The following COX7B2 variants were observed in gnomAD, a reference collection of about 807,000 sequenced individuals.
COX7B2 encodes the protein cytochrome c oxidase subunit 7B2, mitochondrial.
For missense variants in COX7B2, 109 were observed against 95.9 expected (o/e 1.14, Z -0.57); for synonymous variants, 37 against 32.1 (o/e 1.15, Z -0.51).
In COX7B2 at chr4:46,851,621, C is replaced by T. The variant is rs374583829; in HGVS notation, c.-104-6607G>A. Among the ~76,000 whole-genome samples the T allele has an allele frequency of 1.4e-4, 22 of 152,196 alleles. No individual in the cohort carries two copies. In the South Asian group the frequency reaches 3.7e-3, roughly 26 times the overall value. ...CTTTTCTGTTCCAAAAGATCCTATT[C>T]AGGATCTAACACTGCATTTAGCTGG... On this transcript the variant is annotated intron_variant, in intron 1 of 2. Transcript: ENST00000355591.
At chr4:46,745,490 AAACTTTTAACAAGATATTGGTAAAAAT>A (rs1714967958) in intron 2 of COX7B2, among the ~76,000 whole-genome samples, 1 of 152,252 alleles carries the variant, frequency 6.6e-6, no homozygotes, top group Non-Finnish European at 1.5e-5. Context: ...GACTTTAAAA[AAACTTTTAACAAGATATTGGTAAAAAT>A]AACTTTTAAC....
At chr4:46,834,345 A>G (rs13137980) in intron 2 of COX7B2, among the ~76,000 whole-genome samples, 2 of 152,070 alleles carry the variant, frequency 1.3e-5, no homozygotes, top group Non-Finnish European at 2.9e-5. Flanking sequence ...AAACACAAAA[A>G]CAGTATCTAT....
At chr4:46,805,198 G>T (rs1356795116) in intron 2 of COX7B2, among the ~76,000 whole-genome samples, 2 of 152,192 alleles carry the variant, frequency 1.3e-5, no homozygotes. Context: ...CAGGCTGAGG[G>T]AGCCGGCTCT....
chr4:46,821,657 G>A (rs1041922474), intron 2 of COX7B2, among the ~76,000 whole-genome samples: 1 of 152,166 alleles, frequency 6.6e-6, no homozygotes, highest in Non-Finnish European at 1.5e-5. Context: ...AATAAAGAGT[G>A]TAAACAGTAT....
intron 2 of COX7B2, among the ~76,000 whole-genome samples, chr4:46,821,678 G>A (rs910275228): frequency 6.6e-6 from 1 of 152,152 alleles, no homozygotes; most frequent in Non-Finnish European, 1.5e-5. Flanking sequence ...AAAATCTGAA[G>A]TGTTATTCAA....
intron 1 of COX7B2, among the ~76,000 whole-genome samples, chr4:46,892,899 T>C (rs887442927): frequency 6.6e-6 from 1 of 152,180 alleles, no homozygotes; most frequent in Non-Finnish European, 1.5e-5. Flanking sequence ...GCTATTCTCA[T>C]GATAGTAAGT....
At chr4:46,778,521 AG>A (rs1163210525) in intron 2 of COX7B2, among the ~76,000 whole-genome samples, 1 of 152,170 alleles carries the variant, frequency 6.6e-6, no homozygotes, top group Non-Finnish European at 1.5e-5. Context: ...TAGTAGAACA[AG>A]AAAAATAAAC....
chr4:46,838,129 A>C (rs558859005), intron 2 of COX7B2, among the ~76,000 whole-genome samples: 1 of 152,016 alleles, frequency 6.6e-6, no homozygotes, highest in Non-Finnish European at 1.5e-5. Context: ...TAATTTGTAC[A>C]TTCTTTATCA....
At chr4:46,908,240 A>G (rs1308746029) in intron 1 of COX7B2, among the ~76,000 whole-genome samples, 1 of 152,080 alleles carries the variant, frequency 6.6e-6, no homozygotes, top group Non-Finnish European at 1.5e-5. Flanking sequence ...AACCACTTTG[A>G]GATCTGTAAG....
Position 46,908,738 on chromosome 4 carries a change from C to CAGAAAAAAAAAA in COX7B2, c.-105+421_-105+422insTTTTTTTTTTCT, listed in dbSNP as rs1720557466. Among the ~76,000 whole-genome samples, 6 of 121,088 alleles carry CAGAAAAAAAAAA rather than the reference C, an allele frequency of 5.0e-5. 1 individual carries two copies. The highest frequency in any genetic ancestry group is 1.9e-4 in the African/African-American group (6 of 30,886). The allele number at this position is 121,088 out of a possible 152,430, so 79.4% of individuals were successfully genotyped here. A position where few individuals can be genotyped will look rare whatever the true frequency, so the allele number is the denominator to read the frequency against. On this transcript the variant is annotated intron_variant, in intron 1 of 2. Transcript: ENST00000355591. ...GAAATGAAACAAAAAAGGAAAGTGGCAAAAAAAAAAAAAAAAAATCTGGCC... is the reference window on the plus strand; with the variant it reads ...GAAATGAAACAAAAAAGGAAAGTGGCAGAAAAAAAAAAAAAAAAAAAAAAAAAAAATCTGGCC...
At chr4:46,735,701 T>C (rs908454724) in intron 2 of COX7B2, among the ~76,000 whole-genome samples, 2 of 152,138 alleles carry the variant, frequency 1.3e-5, no homozygotes, top group African/African-American at 4.8e-5. Context: ...CAGGCAAAAT[T>C]CTGCTTGCCT....
intron 2 of COX7B2, among the ~76,000 whole-genome samples, chr4:46,838,506 G>C (rs534579061): frequency 6.6e-6 from 1 of 152,130 alleles, no homozygotes; most frequent in Admixed American, 6.6e-5. Flanking sequence ...CCAAAGAAAA[G>C]TATCTATAAT....
intron 1 of COX7B2, among the ~76,000 whole-genome samples, chr4:46,859,015 A>G (rs12504855): frequency 0.38 from 57,150 of 152,032 alleles, 10,883 homozygotes; most frequent in South Asian, 0.49. Context: ...TAGATCTGTC[A>G]ACTTACGATG....
At chr4:46,868,890 T>C (rs1383397240) in intron 1 of COX7B2, among the ~76,000 whole-genome samples, 3 of 152,184 alleles carry the variant, frequency 2.0e-5, no homozygotes, top group South Asian at 4.1e-4. Context: ...TCAGATCCAT[T>C]TGGTCCAATG....
chr4:46,900,637 TA>T (rs1163457264), intron 1 of COX7B2, among the ~76,000 whole-genome samples: 1 of 152,226 alleles, frequency 6.6e-6, no homozygotes, highest in Non-Finnish European at 1.5e-5. Context: ...GTTGACATTC[TA>T]ACCCCCACAG....
At chr4:46,770,369 C>A (rs1323513351) in intron 2 of COX7B2, among the ~76,000 whole-genome samples, 2 of 151,954 alleles carry the variant, frequency 1.3e-5, no homozygotes, top group African/African-American at 2.4e-5. Flanking sequence ...AATAATAATA[C>A]CTTATGTTCA....
intron 2 of COX7B2, among the ~76,000 whole-genome samples, chr4:46,744,738 ATTTTTTTTT>A (rs773481406): frequency 8.0e-6 from 1 of 124,662 alleles, no homozygotes; most frequent in African/African-American, 2.9e-5. Context: ...AGATATTTTA[ATTTTTTTTT>A]TTTTTTTTTT....
chr4:46,835,285 A>T (rs1035188414), intron 2 of COX7B2, among the ~76,000 whole-genome samples: 4 of 152,172 alleles, frequency 2.6e-5, no homozygotes, highest in African/African-American at 9.7e-5. Context: ...AGGTAGGCAC[A>T]AGGCTATATG....
chr4:46,751,238 A>G (rs1484076159), intron 2 of COX7B2, among the ~76,000 whole-genome samples: 1 of 152,000 alleles, frequency 6.6e-6, no homozygotes, highest in Non-Finnish European at 1.5e-5. Flanking sequence ...ACACTCTCTC[A>G]TCTACTGTTT....
Sources: gnomAD v4.1 joint callset for allele counts (sites outside exome capture counted in the v4.1 genomes callset) on GRCh38, gnomAD v4.1.1 for gene constraint, MANE v1.5 for transcripts, NCBI Gene and HGNC (gene_info 2026-07-23, HGNC 2026-07-21) for gene names.